Variants in CCDC39 observed in about 807,000 individuals in gnomAD.
CCDC39 encodes the protein coiled-coil domain 39 molecular ruler complex subunit, also known as coiled-coil domain-containing protein 39.
In CCDC39, 113 loss-of-function variants were observed where a neutral mutation model predicts 121.0. The ratio of observed to expected loss-of-function variants is 0.93; its 90% CI spans 0.80 to 1.09. CCDC39 has a LOEUF of 1.09. CCDC39 is among the 50% of genes least tolerant of loss of function. The probability of loss-of-function intolerance (pLI) is 0.00; values close to 1 mark genes in which losing one functional copy is unlikely to be tolerated. For missense variants in CCDC39, 1,063 were observed against 1,074.7 expected (o/e 0.99, Z 0.15); for synonymous variants, 349 against 352.2 (o/e 0.99, Z 0.10).
rs878974039 is a variant in CCDC39, at chr3:180,648,183, T to A, written c.1344A>T (p.Gln448His). 2 of 1,613,004 alleles carry A rather than the reference T, an allele frequency of 1.2e-6. No homozygotes were observed. Among genetic ancestry groups the A allele is most frequent in the East Asian group, 4.5e-5 (2 of 44,802 alleles). The change falls in exon 10 of 20, where the codon CAA becomes CAT. Residue 448 changes from glutamine (Q) to histidine (H), a missense_variant. By Grantham distance (24) the Gln-to-His change is conservative. Coordinates refer to ENST00000476379, the MANE Select transcript of CCDC39 (RefSeq NM_181426.2). The part of the protein sequence containing the change: ...QKLDFETLKQ[Q>H]EIMYSQDFHI... ...CATCTACCTGGCTGTACATAATTTC[T>A]TGCTGCTTCAAGGTTTCAAAATCCA... is the stretch of plus-strand genomic sequence containing the variant.
chr3:180,654,512 G>A (rs1259908683), intron 7 of CCDC39, among the ~76,000 whole-genome samples: 1 of 151,214 alleles, frequency 6.6e-6, no homozygotes, highest in Non-Finnish European at 1.5e-5. Flanking sequence ...GTAACCTACA[G>A]AATGGAAGAA....
rs369113074 is a variant in CCDC39 at position 180,651,770 on chromosome 3, G to T, written c.1035-237C>A. Among the ~76,000 whole-genome samples, 94 of 152,260 alleles carry T rather than the reference G, an allele frequency of 6.2e-4. 1 individual carries two copies. The East Asian group carries it at 0.011, about 18-fold the overall frequency. Reference sequence around the variant, plus strand: ...ACGTAGTAGCTGGCCAGGCGCGGTGGCTCACGCCTGTAATCCCAGCACTTT... The same window carrying T: ...ACGTAGTAGCTGGCCAGGCGCGGTGTCTCACGCCTGTAATCCCAGCACTTT... On this transcript the variant is annotated intron_variant, in intron 8 of 19. Coordinates refer to ENST00000476379, the MANE Select transcript of CCDC39 (RefSeq NM_181426.2).
chr3:180,644,755 G>T (rs1300920758), intron 11 of CCDC39, among the ~76,000 whole-genome samples: 2 of 152,100 alleles, frequency 1.3e-5, no homozygotes, highest in African/African-American at 2.4e-5. Context: ...AGGGAATAAT[G>T]ACAAGAAAAA....
At chr3:180,637,943 G>A (rs1717870490) in intron 13 of CCDC39, among the ~76,000 whole-genome samples, 1 of 152,098 alleles carries the variant, frequency 6.6e-6, no homozygotes, top group South Asian at 2.1e-4. Context: ...AGGGTGAAAG[G>A]AGGGATAAAA....
intron 6 of CCDC39, 96 bp from the exon 7 acceptor site, chr3:180,655,049 C>T: frequency 1.3e-6 from 1 of 763,004 alleles, no homozygotes; most frequent in South Asian, 3.3e-5. Context: ...ACATTTAGTA[C>T]TTATTTTACC....
intron 13 of CCDC39, among the ~76,000 whole-genome samples, chr3:180,635,781 C>A (rs1270010438): frequency 6.6e-6 from 1 of 152,144 alleles, no homozygotes; most frequent in East Asian, 1.9e-4. Flanking sequence ...GTGCATGGTG[C>A]AAGCTGTCGT....
chr3:180,662,255 C>T (rs1482609310), intron 2 of CCDC39, among the ~76,000 whole-genome samples: 1 of 152,004 alleles, frequency 6.6e-6, no homozygotes, highest in African/African-American at 2.4e-5. Context: ...TTTTCAGATA[C>T]TACGCTGGTC....
chr3:180,616,960 C>A lies in CCDC39; in HGVS notation c.2272G>T (p.Glu758Ter). Residue 758 changes from glutamate (E) to a stop codon, truncating the protein, a stop_gained, in exon 17 of 20, where the codon GAA (glutamate) becomes TAA (stop). Transcript: ENST00000476379. LOFTEE classifies it high-confidence loss of function. ...TGTTCTATAACATCTAATGTATTTTCCATGCTCTGTAGAAAAAATATTAAC... is the reference window on the plus strand; with the variant it reads ...TGTTCTATAACATCTAATGTATTTTACATGCTCTGTAGAAAAAATATTAAC... Reference protein sequence around the residue: ...RELQEDIQSMENTLDVIEHLA... With the variant: ...RELQEDIQSM 7.3e-7 allele frequency: 1 copy of A among 1,368,206 alleles called. No individual in the cohort carries two copies. Among genetic ancestry groups the A allele is most frequent in the Non-Finnish European group, 1.0e-6 (1 of 1,002,834 alleles). The allele number at this position is 1,368,206 out of a possible 1,614,324, so 84.8% of individuals were successfully genotyped here. A position where few individuals can be genotyped will look rare whatever the true frequency, so the allele number is the denominator to read the frequency against.
At chr3:180,631,678 G>A in intron 13 of CCDC39, 86 bp from the exon 14 acceptor site, 1 of 1,170,796 alleles carries the variant, frequency 8.5e-7, no homozygotes, top group Non-Finnish European at 1.2e-6. Flanking sequence ...GAAGACATTT[G>A]GATTTGTGTT....
chr3:180,642,081 T>C lies in CCDC39; in HGVS notation c.1786A>G (p.Met596Val). 6.2e-7 allele frequency: 1 copy of C among 1,612,948 alleles called. No individual in the cohort carries two copies. The highest frequency in any genetic ancestry group is 8.5e-7 in the Non-Finnish European group (1 of 1,179,130). The change falls in exon 13 of 20, where the codon ATG becomes GTG. Residue 596 changes from methionine to valine, a missense_variant. Coordinates refer to ENST00000476379, the MANE Select transcript of CCDC39 (RefSeq NM_181426.2). Reference sequence around the variant, plus strand: ...TTGATTTCTTCAGTTCGCTCTTCCATTGCTGTGTATAATTGCTGTTTTCTT... The same window carrying C: ...TTGATTTCTTCAGTTCGCTCTTCCACTGCTGTGTATAATTGCTGTTTTCTT... ...EKRKQQLYTA[M>V]EERTEEIKVH...
At chr3:180,675,250 T>C (rs1490914264) in intron 1 of CCDC39, among the ~76,000 whole-genome samples, 2 of 152,224 alleles carry the variant, frequency 1.3e-5, no homozygotes, top group African/African-American at 4.8e-5. Context: ...TCTTCTAGAT[T>C]TTCTAGTTTA....
chr3:180,677,168 T>TATATA (rs1712247237), intron 1 of CCDC39, among the ~76,000 whole-genome samples: 13 of 35,172 alleles, frequency 3.7e-4, no homozygotes, highest in African/African-American at 6.1e-4. Context: ...AATAATAATT[T>TATATA]TATATATATA....
chr3:180,619,796 T>G lies in CCDC39; in HGVS notation c.2158+15A>C. The G allele has an allele frequency of 6.7e-7, 1 of 1,503,526 alleles. No individual in the cohort carries two copies. The highest frequency in any genetic ancestry group is 9.0e-7 in the Non-Finnish European group (1 of 1,111,938). The allele number at this position is 1,503,526 out of a possible 1,614,324, so 93.1% of individuals were successfully genotyped here. A position where few individuals can be genotyped will look rare whatever the true frequency, so the allele number is the denominator to read the frequency against. ...CACTGTATATATGTATAAAAAAAAGTTAACTCCTACATACTAGATGGAGTC... is the reference window on the plus strand; with the variant it reads ...CACTGTATATATGTATAAAAAAAAGGTAACTCCTACATACTAGATGGAGTC... On this transcript the variant is annotated intron_variant, in intron 15 of 19. Transcript: ENST00000476379.
Position 180,679,186 on chromosome 3 carries a change from G to T in CCDC39, c.90+105C>A, listed in dbSNP as rs2292896. On this transcript the variant is annotated intron_variant, in intron 1 of 19. Coordinates refer to ENST00000476379, the MANE Select transcript of CCDC39 (RefSeq NM_181426.2). This position sits in a 1 kb window ranked among gnomAD's most constrained non-coding sequence, Gnocchi z 4.0. ...CGGGGGAGTGTTAGAGGAAGCACAG[G>T]ATTAGGAAAGGAGAGAAATAAAAGG... The T allele has an allele frequency of 1.2e-6, 1 of 851,864 alleles. No homozygotes were observed. The highest frequency in any genetic ancestry group is 2.1e-6 in the Non-Finnish European group (1 of 487,030). The allele number at this position is 851,864 out of a possible 1,614,324, so 52.8% of individuals were successfully genotyped here.
At chr3:180,629,038 A>G (rs1717632922) in intron 14 of CCDC39, among the ~76,000 whole-genome samples, 1 of 152,226 alleles carries the variant, frequency 6.6e-6, no homozygotes, top group Admixed American at 6.5e-5. Flanking sequence ...CTTAACTTCT[A>G]ATTGGCAAGG....
chr3:180,654,108 A>G (rs1350348682), intron 7 of CCDC39, among the ~76,000 whole-genome samples: 2 of 151,424 alleles, frequency 1.3e-5, no homozygotes, highest in Non-Finnish European at 2.9e-5. Context: ...GAACCCGGAA[A>G]TAAACCCATG....
chr3:180,663,286 G>T (rs1223821421), intron 2 of CCDC39, among the ~76,000 whole-genome samples: 1 of 152,106 alleles, frequency 6.6e-6, no homozygotes, highest in East Asian at 1.9e-4. Flanking sequence ...TATTAGTTCT[G>T]TTTCTGCTTA....
chr3:180,651,260 C>T, intron 9 of CCDC39, 141 bp downstream of exon 9: 1 of 651,410 alleles, frequency 1.5e-6, no homozygotes, highest in South Asian at 2.2e-5. Context: ...GAGAAGAGGT[C>T]CAAAACCAGA....
chr3:180,670,656 GCTTT>G (rs1712017641), intron 1 of CCDC39, among the ~76,000 whole-genome samples: 1 of 46,190 alleles, frequency 2.2e-5, no homozygotes, highest in Non-Finnish European at 4.9e-5. Context: ...TTTTTTTTTT[GCTTT>G]CTTTACTTTT....
Sources: gnomAD v4.1 joint callset for allele counts (sites outside exome capture counted in the v4.1 genomes callset) on GRCh38, gnomAD v4.1.1 for gene constraint, Gnocchi (gnomAD v3.1) non-coding constraint, MANE v1.5 for transcripts, NCBI Gene and HGNC (gene_info 2026-07-23, HGNC 2026-07-21) for gene names.